Variants in ANK2 observed in about 807,000 individuals in gnomAD.
ANK2 encodes the protein ankyrin-2.
Under a neutral mutation model 360.5 loss-of-function variants are expected in ANK2, and 83 were observed. That is an observed-to-expected ratio of 0.23 (90% confidence interval 0.19 to 0.28). The LOEUF (loss-of-function observed/expected upper bound fraction) is 0.28. ANK2 is among the 10% of genes least tolerant of loss of function. ANK2 has a pLI of 1.00. For synonymous variants in ANK2, 1,740 were observed against 1,759.5 expected (o/e 0.99, Z 0.28); for missense variants, 4,201 against 4,795.7 (o/e 0.88, Z 3.66).
In ANK2 at chr4:113,355,142, A is replaced by G. The variant is rs750597474; in HGVS notation, c.6524A>G (p.Asn2175Ser). 1 of 1,614,160 alleles carries G rather than the reference A, an allele frequency of 6.2e-7. No homozygotes were observed. Among genetic ancestry groups the G allele is most frequent in the Non-Finnish European group, 8.5e-7 (1 of 1,179,994 alleles). Residue 2175 changes from asparagine to serine, a missense_variant, in exon 38 of 46, where the codon AAC becomes AGC. Around this residue, in one of 4 missense-constraint regions of ANK2, gnomAD observed 2,642 missense variants for 2,714.5 expected, o/e 0.97. Coordinates refer to ENST00000357077, the MANE Select transcript of ANK2 (RefSeq NM_001148.6). ...HLDQVLTSPFNTTFPLDYMKD... is the reference protein window; with the variant it reads ...HLDQVLTSPFSTTFPLDYMKD... ...GACCAAGTACTCACTAGTCCTTTCA[A>G]CACAACATTTCCACTCGACTACATG...
chr4:112,966,634 T>C (rs957001828), intron 2 of ANK2, among the ~76,000 whole-genome samples: 3 of 152,154 alleles, frequency 2.0e-5, no homozygotes, highest in African/African-American at 7.2e-5. Context: ...GTGAACATTT[T>C]TGTACCTAGA....
chr4:112,940,639 TG>T (rs2094137660), intron 2 of ANK2, among the ~76,000 whole-genome samples: 1 of 152,212 alleles, frequency 6.6e-6, no homozygotes, highest in African/African-American at 2.4e-5. Context: ...GAATAACTGC[TG>T]TAGGATTTTA....
At chr4:113,286,964 A>G (rs2064969253) in intron 18 of ANK2, among the ~76,000 whole-genome samples, 1 of 152,148 alleles carries the variant, frequency 6.6e-6, no homozygotes, top group Non-Finnish European at 1.5e-5. Flanking sequence ...TTTATTATTA[A>G]TTCATAACTG....
chr4:112,733,595 C>T, the ANK2 span, among the ~76,000 whole-genome samples: 1 of 152,150 alleles, frequency 6.6e-6, no homozygotes, highest in Non-Finnish European at 1.5e-5. Flanking sequence ...TTCACTGATA[C>T]AGACCCAGCA....
intron 24 of ANK2, among the ~76,000 whole-genome samples, chr4:113,315,868 G>A (rs2082647437): frequency 7.4e-6 from 1 of 134,600 alleles, no homozygotes; most frequent in African/African-American, 3.0e-5. Flanking sequence ...CTGCACTCCA[G>A]CCTGGGTGAC....
At chr4:113,318,417 G>A in intron 25 of ANK2, 100 bp from the exon 26 acceptor site, 2 of 946,340 alleles carry the variant, frequency 2.1e-6, no homozygotes, top group Non-Finnish European at 3.3e-6. Context: ...GTTTTTCTAG[G>A]TTATACCACT....
chr4:113,067,330 G>A (rs1231425281), intron 1 of ANK2, among the ~76,000 whole-genome samples: 2 of 152,012 alleles, frequency 1.3e-5, no homozygotes, highest in Non-Finnish European at 2.9e-5. Flanking sequence ...GGGGCGGAGG[G>A]GAAACAAGAG....
At position 113,337,578 on chromosome 4, in the gene ANK2, C is replaced by T. The variant is rs181814754; in HGVS notation, c.3796+797C>T. On this transcript the variant is annotated intron_variant, in intron 31 of 45. Transcript: ENST00000357077. ...TTATTAGTAGGAACAGTAATCATCC[C>T]TGGATGTTTTTGTATTGTTAGAATT... Among the ~76,000 whole-genome samples the T allele has an allele frequency of 4.1e-4, 62 of 152,238 alleles. 1 individual carries two copies. In the East Asian group the frequency reaches 8.7e-3, roughly 21 times the overall value.
chr4:113,232,454 T>C (rs1429069296), intron 5 of ANK2, among the ~76,000 whole-genome samples, 195 bp downstream of exon 5: 1 of 152,224 alleles, frequency 6.6e-6, no homozygotes, highest in African/African-American at 2.4e-5. Context: ...TGCCTTCATT[T>C]TGGATTCGTG....
the ANK2 span, chr4:112,706,623 A>G: frequency 2.0e-5 from 3 of 152,370 alleles, no homozygotes; most frequent in Non-Finnish European, 4.4e-5. Flanking sequence ...CCCCAGACCC[A>G]AACTCCCCGA....
intron 1 of ANK2, among the ~76,000 whole-genome samples, chr4:113,102,281 A>G (rs1045140024): frequency 6.6e-6 from 1 of 151,974 alleles, no homozygotes; most frequent in African/African-American, 2.4e-5. Context: ...AATGTGGACA[A>G]CTCCCAGGTG....
At position 113,354,037 on chromosome 4, in the gene ANK2, C is replaced by T; in HGVS notation, c.5419C>T (p.Pro1807Ser). 10 of 1,614,050 alleles carry T rather than the reference C, an allele frequency of 6.2e-6. No homozygotes were observed. Among genetic ancestry groups the T allele is most frequent in the African/African-American group, 1.3e-5 (1 of 75,038 alleles). The change falls in exon 38 of 46, where the codon CCA (proline) becomes TCA (serine). Residue 1807 changes from proline (P) to serine (S), a missense_variant. By Grantham distance (74) the Pro-to-Ser change is moderately conservative. Transcript: ENST00000357077. The stretch of plus-strand genomic sequence containing the variant: ...AAAAAAGACCACCCACAGGCCACAT[C>T]CAGCTGCGTCACCCTCTCTGAAGTC... ...VPKKTTHRPH[P>S]AASPSLKSER...
At chr4:112,764,654 A>G in the ANK2 span, among the ~76,000 whole-genome samples, 1 of 144,278 alleles carries the variant, frequency 6.9e-6, no homozygotes, top group African/African-American at 2.6e-5. Flanking sequence ...ATTTCTTTGT[A>G]TTATTTATTG....
At chr4:112,781,486 GA>G in the ANK2 span, among the ~76,000 whole-genome samples, 11 of 151,372 alleles carry the variant, frequency 7.3e-5, no homozygotes, top group East Asian at 1.6e-3. Flanking sequence ...CTTTCAGAAA[GA>G]AAAAAAACAA....
At chr4:112,765,554 T>C in the ANK2 span, among the ~76,000 whole-genome samples, 3 of 152,186 alleles carry the variant, frequency 2.0e-5, no homozygotes, top group Non-Finnish European at 4.4e-5. Flanking sequence ...TTATAAGATT[T>C]CTTTCTACTC....
At chr4:112,993,397 G>A (rs140881509) in intron 2 of ANK2, among the ~76,000 whole-genome samples, 266 of 152,080 alleles carry the variant, frequency 1.7e-3, no homozygotes, top group African/African-American at 6.0e-3. Context: ...CCACCTCCCA[G>A]GTTCAAGCAA....
chr4:113,185,032 A>G (rs2098490540), intron 2 of ANK2, among the ~76,000 whole-genome samples: 1 of 152,174 alleles, frequency 6.6e-6, no homozygotes, highest in Non-Finnish European at 1.5e-5. Flanking sequence ...AAAGGACATG[A>G]ACTCATCCTT....
intron 22 of ANK2, among the ~76,000 whole-genome samples, chr4:113,297,841 G>T (rs2072686097): frequency 6.6e-6 from 1 of 151,924 alleles, no homozygotes; most frequent in Non-Finnish European, 1.5e-5. Context: ...CTGAAGTGTA[G>T]TGGTACTATC....
At chr4:113,226,898 T>G (rs1047690021) in intron 4 of ANK2, among the ~76,000 whole-genome samples, 3 of 152,210 alleles carry the variant, frequency 2.0e-5, no homozygotes, top group African/African-American at 7.2e-5. Context: ...GCTGTGGATA[T>G]CTTTGACTTT....
Sources: allele counts gnomAD v4.1 joint callset (sites outside exome capture counted in the v4.1 genomes callset), GRCh38; gene constraint gnomAD v4.1.1; regional missense constraint gnomAD v4.1.1; transcripts MANE v1.5; gene names NCBI Gene and HGNC (gene_info 2026-07-23, HGNC 2026-07-21).